Variants in CHD9 observed in about 807,000 individuals in gnomAD.
CHD9 encodes chromodomain helicase DNA binding protein 9.
A neutral mutation model predicts 316.1 loss-of-function variants in CHD9; 77 were observed. The ratio of observed to expected loss-of-function variants is 0.24; its 90% CI spans 0.20 to 0.29. CHD9 has a LOEUF of 0.29. CHD9 is among the 10% of genes least tolerant of loss of function. The probability of loss-of-function intolerance (pLI) is 1.00; values close to 1 mark genes in which losing one functional copy is unlikely to be tolerated. For missense variants in CHD9, 2,763 were observed against 3,438.1 expected (o/e 0.80, Z 4.91); for synonymous variants, 1,129 against 1,158.3 (o/e 0.97, Z 0.51).
chr16:53,268,080 T>C lies in CHD9; in HGVS notation c.4671T>C (p.Ile1557=). The C allele has an allele frequency of 1.9e-6, 3 of 1,612,736 alleles. No homozygotes were observed. Among genetic ancestry groups the C allele is most frequent in the Non-Finnish European group, 2.5e-6 (3 of 1,179,248 alleles). The change falls in exon 22 of 39, where the codon ATT becomes ATC. Residue 1557 remains isoleucine, a synonymous_variant. Coordinates refer to ENST00000447540, the MANE Select transcript of CHD9 (RefSeq NM_001308319.2). ...EKIKGFIWDL[I]TPTEDGQTRE... ...TTAAAGGTTTCATATGGGATCTCAT[T>C]ACTCCAACTGAAGATGGACAGACAC...
intron 4 of CHD9, among the ~76,000 whole-genome samples, chr16:53,225,108 C>T (rs541079548): frequency 1.3e-5 from 2 of 152,046 alleles, no homozygotes; most frequent in Non-Finnish European, 1.5e-5. Flanking sequence ...GGGGCAGAGG[C>T]ATGACTGCAT....
At chr16:53,108,457 AT>A (rs1444718965) in intron 1 of CHD9, among the ~76,000 whole-genome samples, 1 of 152,216 alleles carries the variant, frequency 6.6e-6, no homozygotes, top group Non-Finnish European at 1.5e-5. Context: ...GTGAGCTATG[AT>A]TGCACCAGTG....
chr16:53,068,334 G>A (rs565153982), intron 1 of CHD9, among the ~76,000 whole-genome samples: 32 of 152,286 alleles, frequency 2.1e-4, no homozygotes, highest in East Asian at 9.6e-4. Flanking sequence ...TTTCAAGGTT[G>A]CAAGACAACA....
intron 1 of CHD9, among the ~76,000 whole-genome samples, chr16:53,081,388 T>TG (rs761081380): frequency 6.6e-6 from 1 of 152,124 alleles, no homozygotes; most frequent in Non-Finnish European, 1.5e-5. Flanking sequence ...GCAAAGACTA[T>TG]GGGGCAATAA....
At chr16:53,081,072 C>G (rs979493668) in intron 1 of CHD9, among the ~76,000 whole-genome samples, 17 of 152,218 alleles carry the variant, frequency 1.1e-4, no homozygotes, top group African/African-American at 3.6e-4. Context: ...AGTCTTCCCC[C>G]TTTTGCTTTG....
intron 2 of CHD9, among the ~76,000 whole-genome samples, chr16:53,175,566 G>A (rs997968462): frequency 6.6e-6 from 1 of 152,152 alleles, no homozygotes; most frequent in African/African-American, 2.4e-5. Context: ...TTTAATGACT[G>A]CATAATGTTT....
chr16:53,111,099 C>T (rs2037830344), intron 1 of CHD9, among the ~76,000 whole-genome samples: 1 of 152,152 alleles, frequency 6.6e-6, no homozygotes, highest in South Asian at 2.1e-4. Flanking sequence ...TGAAGTGAGA[C>T]TCATAGGCCT....
chr16:53,244,461 G>A (rs1308367921), intron 13 of CHD9, among the ~76,000 whole-genome samples: 2 of 152,254 alleles, frequency 1.3e-5, no homozygotes, highest in East Asian at 1.9e-4. Context: ...AAAGTACTGG[G>A]ATTGCAGGCA....
intron 1 of CHD9, among the ~76,000 whole-genome samples, chr16:53,148,441 A>G (rs1279860636): frequency 6.6e-6 from 1 of 152,144 alleles, no homozygotes; most frequent in Non-Finnish European, 1.5e-5. Context: ...ACTATTTTCC[A>G]CAGTGGCTAT....
intron 3 of CHD9, among the ~76,000 whole-genome samples, chr16:53,215,225 T>C (rs2152887388): frequency 6.6e-6 from 1 of 152,226 alleles, no homozygotes; most frequent in East Asian, 1.9e-4. Flanking sequence ...CAACAATACA[T>C]ATCTGTTAAG....
chr16:53,172,428 G>A (rs368942328), intron 2 of CHD9, among the ~76,000 whole-genome samples: 4 of 152,148 alleles, frequency 2.6e-5, no homozygotes, highest in African/African-American at 9.7e-5. Context: ...TCGTTCACCT[G>A]ATGATGTATA....
At chr16:53,291,204 A>G (rs1005172377) in intron 27 of CHD9, among the ~76,000 whole-genome samples, 1 of 152,244 alleles carries the variant, frequency 6.6e-6, no homozygotes, top group African/African-American at 2.4e-5. Flanking sequence ...ACTAGTAGTC[A>G]TTGATATAAA....
At chr16:53,203,571 C>T (rs1567470934) in intron 2 of CHD9, among the ~76,000 whole-genome samples, 1 of 152,164 alleles carries the variant, frequency 6.6e-6, no homozygotes, top group Non-Finnish European at 1.5e-5. Context: ...CCTAGTCCTC[C>T]AAGCCTAAAG....
intron 1 of CHD9, among the ~76,000 whole-genome samples, chr16:53,070,757 T>G (rs917898400): frequency 3.3e-5 from 5 of 152,186 alleles, no homozygotes; most frequent in Admixed American, 6.5e-5. Context: ...TTTCACCATG[T>G]TGGCCAGGCT....
chr16:53,195,483 G>A (rs963505858), intron 2 of CHD9, among the ~76,000 whole-genome samples: 1 of 152,020 alleles, frequency 6.6e-6, no homozygotes, highest in African/African-American at 2.4e-5. Context: ...CTTTTCTCAG[G>A]CTCTCACAAA....
chr16:53,290,101 C>T (rs2054204333), intron 27 of CHD9, among the ~76,000 whole-genome samples: 1 of 151,972 alleles, frequency 6.6e-6, no homozygotes, highest in African/African-American at 2.4e-5. Flanking sequence ...TGGTGAAACC[C>T]AATCTCTACT....
chr16:53,297,279 T>A, intron 30 of CHD9, 121 bp downstream of exon 30: 1 of 695,404 alleles, frequency 1.4e-6, no homozygotes, highest in Non-Finnish European at 2.5e-6. Context: ...AACTTGTCAG[T>A]AATTTTTTAG....
chr16:53,057,693 C>T (rs758431036), intron 1 of CHD9, among the ~76,000 whole-genome samples: 24 of 151,930 alleles, frequency 1.6e-4, no homozygotes, highest in Non-Finnish European at 3.4e-4. Context: ...ATAATGTCTG[C>T]GTAACTTCCA....
At chr16:53,272,243 T>A (rs1377656445) in intron 22 of CHD9, among the ~76,000 whole-genome samples, 3 of 146,618 alleles carry the variant, frequency 2.0e-5, no homozygotes, top group African/African-American at 2.5e-5. Flanking sequence ...TCAATTGGAA[T>A]AAAAAAAAAG....
Sources: allele counts gnomAD v4.1 joint callset (sites outside exome capture counted in the v4.1 genomes callset), GRCh38; gene constraint gnomAD v4.1.1; transcripts MANE v1.5; gene names NCBI Gene and HGNC (gene_info 2026-07-23, HGNC 2026-07-21).